Variants in HOXA3 observed in about 807,000 individuals in gnomAD.
HOXA3 encodes the protein homeobox A3.
A neutral mutation model predicts 30.3 loss-of-function variants in HOXA3; 8 were observed. That is an observed-to-expected ratio of 0.26 (90% CI 0.15 to 0.48). HOXA3 has a LOEUF of 0.48. Ranked by LOEUF, HOXA3 falls within the 20% of genes least tolerant of loss-of-function variation. The pLI is 0.99. For synonymous variants in HOXA3, 323 were observed against 273.1 expected, an observed-to-expected ratio of 1.18 and a Z score of -1.80; for missense variants, 653 against 614.4, an observed-to-expected ratio of 1.06 and a Z score of -0.66.
chr7:27,130,081 G>C (rs1380877556), intron 2 of HOXA3: 2 of 1,555,422 alleles, frequency 1.3e-6, no homozygotes, highest in Non-Finnish European at 1.7e-6. Context: ...GCCCAGCCCC[G>C]GCCCACCTCC....
At chr7:27,136,863 G>C (rs1785730667) in intron 2 of HOXA3, among the ~76,000 whole-genome samples, 1 of 152,190 alleles carries the variant, frequency 6.6e-6, no homozygotes, top group South Asian at 2.1e-4. Context: ...AATGGCTGGG[G>C]CTGTGGATCC....
intron 1 of HOXA3, among the ~76,000 whole-genome samples, chr7:27,148,267 G>A (rs931548833): frequency 1.6e-4 from 25 of 152,394 alleles, no homozygotes; most frequent in African/African-American, 5.3e-4. Context: ...CTGCCGGCCT[G>A]CACTCCAGGC....
chr7:27,111,485 CGTGTGTGT>C (rs61655486), intron 4 of HOXA3, among the ~76,000 whole-genome samples: 8 of 148,888 alleles, frequency 5.4e-5, no homozygotes, highest in South Asian at 2.1e-4. Context: ...GAACACATTG[CGTGTGTGT>C]GTGTGTGTGT....
At chr7:27,129,739 T>C (rs547666569) in intron 2 of HOXA3, among the ~76,000 whole-genome samples, 1 of 152,266 alleles carries the variant, frequency 6.6e-6, no homozygotes, top group African/African-American at 2.4e-5. Context: ...AGAAAATGTT[T>C]CACAGGCTAT....
intron 4 of HOXA3, among the ~76,000 whole-genome samples, chr7:27,115,042 G>A (rs538411579): frequency 7.1e-4 from 12 of 16,936 alleles, no homozygotes; most frequent in African/African-American, 1.4e-3. Flanking sequence ...GCAAGGGTAC[G>A]AGTGTGGCAA....
At chr7:27,110,839 C>T in intron 4 of HOXA3, 79 bp from the exon 5 acceptor site, 3 of 709,994 alleles carry the variant, frequency 4.2e-6, no homozygotes, top group Non-Finnish European at 6.6e-6. Context: ...GACATGAAAG[C>T]CATAAAAGAA....
Position 27,110,173 on chromosome 7 carries a change from G to T in HOXA3, c.468C>A (p.Phe156Leu). ...TTTGTCGAGACTCTTTCATCCAGGGGAAGATTTGTTTGGCCACTGTGGGTG... is the reference window on the plus strand; with the variant it reads ...TTTGTCGAGACTCTTTCATCCAGGGTAAGATTTGTTTGGCCACTGTGGGTG... ...LNSPTVAKQI[F>L]PWMKESRQNT... is the part of the protein sequence containing the mutation. The change falls in exon 5 of 6, where the codon TTC (phenylalanine) becomes TTA (leucine). Residue 156 changes from phenylalanine (F) to leucine (L), a missense_variant. Coordinates refer to ENST00000612286, the MANE Select transcript of HOXA3 (RefSeq NM_153631.3). 6.2e-7 allele frequency: 1 copy of T among 1,614,200 alleles called. No individual in the cohort carries two copies. Among genetic ancestry groups the T allele is most frequent in the Non-Finnish European group, 8.5e-7 (1 of 1,180,038 alleles).
intron 1 of HOXA3, chr7:27,146,012 A>G: frequency 7.1e-7 from 1 of 1,401,004 alleles, no homozygotes. Flanking sequence ...CAGACTAGAA[A>G]CCACCCCGCC....
chr7:27,147,334 C>G (rs1782804076), intron 1 of HOXA3: 1 of 1,614,000 alleles, frequency 6.2e-7, no homozygotes, highest in South Asian at 1.1e-5. Flanking sequence ...CCGCTGCATC[C>G]AAGGGTAAAC....
Position 27,114,880 on chromosome 7 carries a change from T to TAATATATA in HOXA3, c.-120-4121_-120-4120insTATATATT, listed in dbSNP as rs11271601. On this transcript the variant is annotated intron_variant, in intron 4 of 5. Transcript: ENST00000612286. ...ATATATATAATATATATTATATATA[T>TAATATATA]GTATATACATATTTTCCTCATTAGT... 1.1e-4 allele frequency among the ~76,000 whole-genome samples: 11 copies of TAATATATA among 98,390 alleles called. No individual in the cohort carries two copies. In the East Asian group the frequency reaches 1.6e-3, roughly 15 times the overall value. 64.5% of individuals were successfully genotyped at this position (98,390 alleles called of 152,430 possible). A position where few individuals can be genotyped will look rare whatever the true frequency, so the allele number is the denominator to read the frequency against.
Position 27,108,364 on chromosome 7 carries a change from G to C in HOXA3, c.883C>G (p.Pro295Ala). 1 of 1,552,088 alleles carries C rather than the reference G, an allele frequency of 6.4e-7. No homozygotes were observed. Among genetic ancestry groups the C allele is most frequent in the Non-Finnish European group, 8.8e-7 (1 of 1,141,294 alleles). The part of the protein sequence containing the change: ...NSVPYEPQSP[P>A]PFSKPPQGTY... The stretch of plus-strand genomic sequence containing the variant: ...CCCTGGGGGGGCTTGGAGAAGGGCG[G>C]GGGCGACTGGGGCTCATACGGGACG... Residue 295 changes from proline (P) to alanine (A), a missense_variant, in exon 6 of 6, where the codon CCG becomes GCG. By Grantham distance (27) the Pro-to-Ala change is conservative. Transcript: ENST00000612286. The surrounding 1 kb of genome is among the most constrained non-coding windows in gnomAD (Gnocchi z 5.0).
chr7:27,149,570 C>G (rs545233260), intron 1 of HOXA3, among the ~76,000 whole-genome samples: 2 of 152,210 alleles, frequency 1.3e-5, no homozygotes, highest in East Asian at 3.8e-4. Flanking sequence ...GCTGCTAGCC[C>G]GGCAACGGGG....
chr7:27,142,178 C>G, intron 1 of HOXA3: 2 of 1,418,830 alleles, frequency 1.4e-6, no homozygotes, highest in Non-Finnish European at 1.9e-6. Context: ...GGAACCCAGG[C>G]GAAAAGCTCA....
At chr7:27,136,297 G>A (rs1383089047) in intron 2 of HOXA3, among the ~76,000 whole-genome samples, 3 of 152,200 alleles carry the variant, frequency 2.0e-5, no homozygotes, top group Non-Finnish European at 4.4e-5. Context: ...ATTTTTGTGT[G>A]TTTGTGACTG....
At chr7:27,124,892 A>T (rs568136963) in intron 3 of HOXA3, among the ~76,000 whole-genome samples, 5 of 152,216 alleles carry the variant, frequency 3.3e-5, no homozygotes, top group African/African-American at 1.2e-4. Flanking sequence ...TCATCCTGGG[A>T]TTATGACCGT....
At chr7:27,133,863 C>A (rs866917628) in intron 2 of HOXA3, among the ~76,000 whole-genome samples, 3 of 152,176 alleles carry the variant, frequency 2.0e-5, no homozygotes, top group African/African-American at 7.2e-5. Flanking sequence ...TCACAAGGCG[C>A]GCCCTTCACT....
intron 1 of HOXA3, chr7:27,151,597 C>T (rs1359693159): frequency 4.4e-6 from 2 of 456,762 alleles, no homozygotes; most frequent in Admixed American, 4.7e-5. Context: ...GCACCTATTC[C>T]CCCTCCCAGC....
intron 1 of HOXA3, chr7:27,147,292 T>C (rs200192717): frequency 6.2e-7 from 1 of 1,608,828 alleles, no homozygotes; most frequent in Admixed American, 1.7e-5. Context: ...CTCCACTGTC[T>C]TGGGATATGT....
At chr7:27,147,952 A>G (rs911438590) in intron 1 of HOXA3, among the ~76,000 whole-genome samples, 1 of 152,220 alleles carries the variant, frequency 6.6e-6, no homozygotes, top group Non-Finnish European at 1.5e-5. Context: ...GAGGCAGCAA[A>G]GTTACAAACA....
Sources: gnomAD v4.1 joint callset for allele counts (sites outside exome capture counted in the v4.1 genomes callset) on GRCh38, gnomAD v4.1.1 for gene constraint, Gnocchi (gnomAD v3.1) non-coding constraint, MANE v1.5 for transcripts, NCBI Gene and HGNC (gene_info 2026-07-23, HGNC 2026-07-21) for gene names.